TMEM255B: variants seen among roughly 807,000 people sequenced by gnomAD.
TMEM255B encodes transmembrane protein 255B, also known as family with sequence similarity 70, member B.
Under a neutral mutation model 34.5 loss-of-function variants are expected in TMEM255B, and 35 were observed. That is an observed-to-expected ratio of 1.01 (90% CI 0.77 to 1.34). The LOEUF is 1.34. TMEM255B is among the 40% of genes most tolerant of loss of function. The pLI, the probability that TMEM255B is intolerant of heterozygous loss-of-function variation, is 0.00. For synonymous variants in TMEM255B, 206 were observed against 201.2 expected, an observed-to-expected ratio of 1.02 and a Z score of -0.20; for missense variants, 432 against 433.2, an observed-to-expected ratio of 1.00 and a Z score of 0.02.
Position 113,801,690 on chromosome 13 carries a change from G to C in TMEM255B, c.547G>C (p.Val183Leu). 1 of 1,611,318 alleles carries C rather than the reference G, an allele frequency of 6.2e-7. No homozygotes were observed. The highest frequency in any genetic ancestry group is 1.1e-5 in the South Asian group (1 of 90,916). Residue 183 changes from valine to leucine, a missense_variant, in exon 7 of 9, where the codon GTC becomes CTC. Transcript: ENST00000375353. ...GCCCGCCTACTATGAGTTCATCGGCGTCAGCGGCTGCCAGGACGTGCTGCA... is the reference window on the plus strand; with the variant it reads ...GCCCGCCTACTATGAGTTCATCGGCCTCAGCGGCTGCCAGGACGTGCTGCA... ...PSPAYYEFIG[V>L]SGCQDVLHLY...
In TMEM255B at chr13:113,769,686, A is replaced by G. The variant is rs1399678653; in HGVS notation, c.252+526A>G. 6.5e-6 allele frequency: 1 copy of G among 152,684 alleles called. No individual in the cohort carries two copies. Among genetic ancestry groups the G allele is most frequent in the Admixed American group, 5.9e-5 (1 of 16,936 alleles). The allele number at this position is 152,684 out of a possible 1,614,324, so 9.5% of individuals were successfully genotyped here. On this transcript the variant is annotated intron_variant, in intron 3 of 8. Transcript: ENST00000375353. This position sits in a 1 kb window ranked among gnomAD's most constrained non-coding sequence, Gnocchi z 4.2. The stretch of plus-strand genomic sequence containing the variant: ...GAAATCCAGACACTGCCTGTCCATG[A>G]TGTTCGTGGCTGTATGCGCGGCAAC...
intron 3 of TMEM255B, among the ~76,000 whole-genome samples, chr13:113,780,061 G>T (rs1300964850): frequency 6.6e-6 from 1 of 152,202 alleles, no homozygotes; most frequent in Non-Finnish European, 1.5e-5. Flanking sequence ...ACTTTTTAAA[G>T]CTGAGCCCAG....
At position 113,769,198 on chromosome 13, in the gene TMEM255B, C is replaced by G. The variant is rs745658612; in HGVS notation, c.252+38C>G. On this transcript the variant is annotated intron_variant, in intron 3 of 8. Transcript: ENST00000375353. The surrounding 1 kb of genome is among the most constrained non-coding windows in gnomAD (Gnocchi z 4.2). Reference sequence around the variant, plus strand: ...ATGGGGTGGTGGGGAGCATGAGTCCCTCATCAGGGGATGGTACAGCTGCAC... The same window carrying G: ...ATGGGGTGGTGGGGAGCATGAGTCCGTCATCAGGGGATGGTACAGCTGCAC... The G allele has an allele frequency of 2.5e-6, 4 of 1,606,818 alleles. No homozygotes were observed. In the East Asian group the frequency reaches 8.9e-5, roughly 36 times the overall value.
At chr13:113,792,657 G>A (rs2138559549) in intron 3 of TMEM255B, among the ~76,000 whole-genome samples, 1 of 152,328 alleles carries the variant, frequency 6.6e-6, no homozygotes, top group South Asian at 2.1e-4. Flanking sequence ...CCAGCACACT[G>A]GGCAGCTACA....
intron 8 of TMEM255B, among the ~76,000 whole-genome samples, chr13:113,809,003 A>T (rs1350507729): frequency 9.1e-6 from 1 of 109,780 alleles, no homozygotes; most frequent in East Asian, 2.8e-4. Context: ...CTGGGGCTTT[A>T]CTCCATGGTT....
chr13:113,766,218 G>C lies in TMEM255B; in HGVS notation c.150G>C (p.Thr50=). 6.2e-7 allele frequency: 1 copy of C among 1,614,218 alleles called. No homozygotes were observed. Among genetic ancestry groups the C allele is most frequent in the Non-Finnish European group, 8.5e-7 (1 of 1,180,032 alleles). The change falls in exon 2 of 9, where the codon ACG becomes ACC. Residue 50 remains threonine, a synonymous_variant. Coordinates refer to ENST00000375353, the MANE Select transcript of TMEM255B (RefSeq NM_182614.4). Reference sequence around the variant, plus strand: ...TCGGGCTGGCTGCCACCACCAGGACGGAGAATGTGACCGTTGGGGGCTACT... The same window carrying C: ...TCGGGCTGGCTGCCACCACCAGGACCGAGAATGTGACCGTTGGGGGCTACT... ...VTVGLAATTR[T]ENVTVGGYYP...
At position 113,785,745 on chromosome 13, in the gene TMEM255B, G is replaced by A. The variant is rs575842287; in HGVS notation, c.253-9403G>A. 1.1e-3 allele frequency among the ~76,000 whole-genome samples: 166 copies of A among 152,270 alleles called. 1 individual carries two copies. Among genetic ancestry groups the A allele is most frequent in the South Asian group, 6.4e-3 (31 of 4,814 alleles). On this transcript the variant is annotated intron_variant, in intron 3 of 8. Transcript: ENST00000375353. ...CTGGACGTGACTGTGGGTGCTGGAC[G>A]TCCCCAGGCCTCCCTGTCCTCTTCT...
chr13:113,776,463 A>G (rs549800909), intron 3 of TMEM255B, among the ~76,000 whole-genome samples: 12 of 152,070 alleles, frequency 7.9e-5, no homozygotes, highest in South Asian at 4.2e-4. Flanking sequence ...CCCGACAGCT[A>G]CGTCCAGCCC....
chr13:113,795,674 C>T (rs2050913135), intron 4 of TMEM255B, among the ~76,000 whole-genome samples: 2 of 143,530 alleles, frequency 1.4e-5, no homozygotes, highest in South Asian at 2.3e-4. Context: ...ACACAGCACA[C>T]AACACACAGA....
In TMEM255B at chr13:113,768,988, C is replaced by T. The variant is rs373513725; in HGVS notation, c.190-110C>T. 2.5e-3 allele frequency: 3,121 copies of T among 1,242,422 alleles called. 87 individuals are homozygous for T. In the South Asian group the frequency reaches 0.037, roughly 15 times the overall value. 77.0% of individuals were successfully genotyped at this position (1,242,422 alleles called of 1,614,324 possible). ...TCTTGAGGTAGGGATGTCTGGCCTT[C>T]GTCCCTGGATAAAATGCCTTTGAGG... On this transcript the variant is annotated intron_variant, in intron 2 of 8. Transcript: ENST00000375353.
At chr13:113,784,156 G>A (rs556711964) in intron 3 of TMEM255B, among the ~76,000 whole-genome samples, 10 of 152,206 alleles carry the variant, frequency 6.6e-5, no homozygotes, top group South Asian at 4.2e-4. Context: ...GGAGACAGCC[G>A]AGCGGGGAGG....
At chr13:113,787,192 G>A (rs1041750099) in intron 3 of TMEM255B, among the ~76,000 whole-genome samples, 1 of 152,230 alleles carries the variant, frequency 6.6e-6, no homozygotes, top group Non-Finnish European at 1.5e-5. Flanking sequence ...CCACGTGCAC[G>A]CGCAGGGGTG....
intron 3 of TMEM255B, among the ~76,000 whole-genome samples, chr13:113,779,650 G>C (rs1345974620): frequency 1.3e-5 from 2 of 152,196 alleles, no homozygotes; most frequent in Non-Finnish European, 2.9e-5. Flanking sequence ...GGGAGCGTCT[G>C]CTGATACATC....
chr13:113,759,389 C>T (rs1208079608), intron 1 of TMEM255B, 74 bp downstream of exon 1: 5 of 1,199,592 alleles, frequency 4.2e-6, no homozygotes, highest in Non-Finnish European at 5.2e-6. Flanking sequence ...GACTACAGGT[C>T]CCCGGCCGGC....
chr13:113,786,170 C>T (rs879370275), intron 3 of TMEM255B, among the ~76,000 whole-genome samples: 3 of 152,192 alleles, frequency 2.0e-5, no homozygotes, highest in Non-Finnish European at 4.4e-5. Flanking sequence ...CCACTGTCAT[C>T]ACAGTCTTTA....
intron 3 of TMEM255B, among the ~76,000 whole-genome samples, chr13:113,793,948 C>T (rs955362535): frequency 6.6e-6 from 1 of 152,246 alleles, no homozygotes; most frequent in African/African-American, 2.4e-5. Flanking sequence ...CCTTCTGCTG[C>T]TGTGGGGCCT....
chr13:113,784,330 C>T (rs2050708409), intron 3 of TMEM255B, among the ~76,000 whole-genome samples: 1 of 152,116 alleles, frequency 6.6e-6, no homozygotes, highest in Non-Finnish European at 1.5e-5. Flanking sequence ...CCAAGATTTT[C>T]CCCAGCTTAA....
At chr13:113,785,533 CAG>C (rs2050727674) in intron 3 of TMEM255B, among the ~76,000 whole-genome samples, 1 of 152,188 alleles carries the variant, frequency 6.6e-6, no homozygotes, top group Non-Finnish European at 1.5e-5. Context: ...AGACCACTGA[CAG>C]AGAAATAGAC....
rs1475316676 is a variant in TMEM255B at position 113,816,377 on chromosome 13, G to A, written c.*4474G>A. ...ATGGCAGTGATGGGTGGACGGCCCC[G>A]TGGATGGACTGACCACCGACCCATG... On this transcript the variant is annotated 3_prime_UTR_variant, in exon 9 of 9. Coordinates refer to ENST00000375353, the MANE Select transcript of TMEM255B (RefSeq NM_182614.4). 1.2e-5 allele frequency: 2 copies of A among 160,520 alleles called. No individual in the cohort carries two copies. The highest frequency in any genetic ancestry group is 1.3e-4 in the South Asian group (1 of 7,412). 9.9% of individuals were successfully genotyped at this position (160,520 alleles called of 1,614,324 possible).
Sources: gnomAD v4.1 joint callset for allele counts (sites outside exome capture counted in the v4.1 genomes callset) on GRCh38, gnomAD v4.1.1 for gene constraint, Gnocchi (gnomAD v3.1) non-coding constraint, MANE v1.5 for transcripts, NCBI Gene and HGNC (gene_info 2026-07-23, HGNC 2026-07-21) for gene names.